Variants in TBCK observed in about 807,000 individuals in gnomAD.
TBCK encodes TBC domain-containing protein kinase-like protein.
TBCK carries 99 observed loss-of-function variants against 113.4 expected under a neutral mutation model. That is an observed-to-expected ratio of 0.87 (90% confidence interval 0.74 to 1.03). The LOEUF (loss-of-function observed/expected upper bound fraction) is 1.03, where lower values mean the gene tolerates loss of function less well. Among genes scored for constraint, TBCK ranks in the 50% least tolerant of loss-of-function variants. The pLI, the probability that TBCK is intolerant of heterozygous loss-of-function variation, is 0.00. For synonymous variants in TBCK, 369 were observed against 370.8 expected (o/e 1.00, Z 0.05); for missense variants, 1,045 against 1,061.3 (o/e 0.98, Z 0.21).
rs1204923868 is a variant in TBCK, at chr4:106,199,779, T to C, written c.1861-5025A>G. Reference sequence around the variant, plus strand: ...CAAAAGATATGCAGCATATAAAAACTTCCCACTACTTCCACTGCTAATATC... The same window carrying C: ...CAAAAGATATGCAGCATATAAAAACCTCCCACTACTTCCACTGCTAATATC... On this transcript the variant is annotated intron_variant, in intron 20 of 25. Coordinates refer to ENST00000394708, the MANE Select transcript of TBCK (RefSeq NM_001163435.3). Among the ~76,000 whole-genome samples, 3 of 152,244 alleles carry C rather than the reference T, an allele frequency of 2.0e-5. No individual in the cohort carries two copies. The East Asian group carries it at 5.8e-4, about 29-fold the overall frequency.
chr4:106,236,933 G>C (rs1263768598), intron 12 of TBCK, 125 bp from the exon 13 acceptor site: 4 of 463,516 alleles, frequency 8.6e-6, no homozygotes, highest in African/African-American at 8.2e-5. Context: ...GTATAAAATA[G>C]AGTCTAAAAA....
chr4:106,106,783 CA>C (rs1312709245), intron 24 of TBCK, among the ~76,000 whole-genome samples: 1 of 152,094 alleles, frequency 6.6e-6, no homozygotes, highest in Non-Finnish European at 1.5e-5. Flanking sequence ...CCAATCCACA[CA>C]TATCAATATG....
At chr4:106,315,292 T>A (rs1350048636) in intron 1 of TBCK, among the ~76,000 whole-genome samples, 1 of 152,140 alleles carries the variant, frequency 6.6e-6, no homozygotes, top group African/African-American at 2.4e-5. Flanking sequence ...CAAGTCAGAC[T>A]CTGTGCCCTC....
chr4:106,056,777 A>G (rs1489293864), intron 25 of TBCK, among the ~76,000 whole-genome samples: 1 of 151,700 alleles, frequency 6.6e-6, no homozygotes, highest in East Asian at 1.9e-4. Flanking sequence ...TAAGCAAAGT[A>G]AGTCAAGATC....
intron 25 of TBCK, among the ~76,000 whole-genome samples, chr4:106,089,036 C>CT (rs1374470816): frequency 1.6e-5 from 1 of 63,970 alleles, no homozygotes; most frequent in African/African-American, 1.5e-4. Flanking sequence ...GTACATGTAT[C>CT]CTTTTTTTTT....
At chr4:106,178,803 T>C (rs543633278) in intron 22 of TBCK, among the ~76,000 whole-genome samples, 1 of 151,938 alleles carries the variant, frequency 6.6e-6, no homozygotes, top group Non-Finnish European at 1.5e-5. Context: ...CTCTTCATTT[T>C]TTTTTTAAGA....
At chr4:106,163,545 G>A (rs1750034118) in intron 23 of TBCK, 1 of 152,140 alleles carries the variant, frequency 6.6e-6, no homozygotes, top group South Asian at 2.1e-4. Context: ...AAAGGAAAGA[G>A]GTTTCACAGT....
chr4:106,254,407 A>G (rs1198670020), intron 5 of TBCK, among the ~76,000 whole-genome samples: 2 of 152,186 alleles, frequency 1.3e-5, no homozygotes, highest in African/African-American at 4.8e-5. Context: ...ATAATCTTTT[A>G]CTGCACAGTT....
chr4:106,069,537 G>C (rs1233859018), intron 25 of TBCK, among the ~76,000 whole-genome samples: 1 of 152,108 alleles, frequency 6.6e-6, no homozygotes, highest in Non-Finnish European at 1.5e-5. Flanking sequence ...ATGATGTTTT[G>C]GTTACTGTAG....
Position 106,196,314 on chromosome 4 carries a change from T to C in TBCK, c.1861-1560A>G, listed in dbSNP as rs1032942706. 2.0e-5 allele frequency among the ~76,000 whole-genome samples: 3 copies of C among 151,848 alleles called. 1 individual carries two copies. Among genetic ancestry groups the C allele is most frequent in the South Asian group, 4.2e-4 (2 of 4,808 alleles). ...GTAGAGTAAAAATCTCCTTTGTCAA[T>C]AGCAAGTATCAAAAATCAACAATAA... On this transcript the variant is annotated intron_variant, in intron 20 of 25. Coordinates refer to ENST00000394708, the MANE Select transcript of TBCK (RefSeq NM_001163435.3).
intron 23 of TBCK, among the ~76,000 whole-genome samples, chr4:106,127,206 C>CA (rs35461999): frequency 0.22 from 14,692 of 65,340 alleles, 1,990 homozygotes; most frequent in Non-Finnish European, 0.3. Context: ...GACTCCGTCT[C>CA]AAAAAAAAAA....
At chr4:106,152,741 T>C (rs1340252910) in intron 23 of TBCK, among the ~76,000 whole-genome samples, 3 of 152,098 alleles carry the variant, frequency 2.0e-5, no homozygotes, top group Non-Finnish European at 2.9e-5. Flanking sequence ...ATTTTTATTA[T>C]GGCTTCACTC....
In TBCK at chr4:106,077,093, A is replaced by C. The variant is rs371255116; in HGVS notation, c.2571+18389T>G. Among the ~76,000 whole-genome samples the C allele has an allele frequency of 1.1e-4, 17 of 152,292 alleles. No homozygotes were observed. In the East Asian group the frequency reaches 3.1e-3, roughly 28 times the overall value. ...TCCAGCTGGGGAGATAGATAGAGCAAGAGTGTACCTTAAAAAAACAAAAAA... is the reference window on the plus strand; with the variant it reads ...TCCAGCTGGGGAGATAGATAGAGCACGAGTGTACCTTAAAAAAACAAAAAA... On this transcript the variant is annotated intron_variant, in intron 25 of 25. Transcript: ENST00000394708.
rs750387268 is a variant in TBCK at position 106,197,409 on chromosome 4, G to GTA, written c.1861-2656_1861-2655insTA. ...TGAGTGTGTGTGTGTGTGTGTGTGTGTGTATATATATATATATATATATAA... is the reference window on the plus strand; with the variant it reads ...TGAGTGTGTGTGTGTGTGTGTGTGTGTATGTATATATATATATATATATATAA... On this transcript the variant is annotated intron_variant, in intron 20 of 25. Transcript: ENST00000394708. Among the ~76,000 whole-genome samples the GTA allele has an allele frequency of 3.9e-3, 302 of 77,106 alleles. 1 individual carries two copies. Among genetic ancestry groups the GTA allele is most frequent in the Admixed American group, 0.012 (80 of 6,600 alleles). 50.6% of individuals were successfully genotyped at this position (77,106 alleles called of 152,430 possible). A position where few individuals can be genotyped will look rare whatever the true frequency, so the allele number is the denominator to read the frequency against.
chr4:106,210,326 C>G (rs1755983247), intron 20 of TBCK, among the ~76,000 whole-genome samples: 2 of 152,042 alleles, frequency 1.3e-5, no homozygotes, highest in Admixed American at 1.3e-4. Context: ...GATGTTGTTT[C>G]CATAGGATTT....
At chr4:106,137,361 A>T (rs372667350) in intron 23 of TBCK, among the ~76,000 whole-genome samples, 11 of 140,354 alleles carry the variant, frequency 7.8e-5, no homozygotes, top group African/African-American at 2.8e-4. Flanking sequence ...AATATTAATC[A>T]ATTCTCATTT....
chr4:106,263,724 C>T (rs1041440469), intron 3 of TBCK, among the ~76,000 whole-genome samples: 6 of 151,536 alleles, frequency 4.0e-5, no homozygotes, highest in Non-Finnish European at 8.9e-5. Flanking sequence ...ATTGTTGCAA[C>T]CTGATTCTCT....
intron 23 of TBCK, among the ~76,000 whole-genome samples, chr4:106,123,604 A>G (rs944290782): frequency 3.9e-5 from 6 of 152,136 alleles, no homozygotes; most frequent in South Asian, 4.1e-4. Context: ...GAGGCATCAC[A>G]CTACCTGACT....
intron 22 of TBCK, among the ~76,000 whole-genome samples, chr4:106,191,738 A>T (rs1216206874): frequency 6.6e-6 from 1 of 152,152 alleles, no homozygotes; most frequent in Non-Finnish European, 1.5e-5. Flanking sequence ...TATTTCATGG[A>T]AAGATGAATT....
Sources: gnomAD v4.1 joint callset for allele counts (sites outside exome capture counted in the v4.1 genomes callset) on GRCh38, gnomAD v4.1.1 for gene constraint, MANE v1.5 for transcripts, NCBI Gene and HGNC (gene_info 2026-07-23, HGNC 2026-07-21) for gene names.